Variants in CSMD1 observed in about 807,000 individuals in gnomAD.
CSMD1 encodes the protein CUB and Sushi multiple domains 1.
Under a neutral mutation model 417.5 loss-of-function variants are expected in CSMD1, and 213 were observed. That is an observed-to-expected ratio of 0.51 (90% CI 0.46 to 0.57). The LOEUF is 0.57. Ranked by LOEUF, CSMD1 falls within the 20% of genes least tolerant of loss-of-function variation. CSMD1 has a pLI of 0.00. For synonymous variants in CSMD1, 2,862 were observed against 1,736.8 expected, an observed-to-expected ratio of 1.65 and a Z score of -16.11; for missense variants, 6,923 against 4,529.7, an observed-to-expected ratio of 1.53 and a Z score of -15.17.
At chr8:3,213,895 T>G (rs1400839056) in intron 30 of CSMD1, among the ~76,000 whole-genome samples, 1 of 151,710 alleles carries the variant, frequency 6.6e-6, no homozygotes, top group South Asian at 2.1e-4. Flanking sequence ...TCTTGCTCTG[T>G]CACCCAGGCT....
chr8:4,536,066 A>G (rs901329149), intron 2 of CSMD1, among the ~76,000 whole-genome samples: 1 of 152,214 alleles, frequency 6.6e-6, no homozygotes, highest in Admixed American at 6.5e-5. Context: ...CAGTGTTTTC[A>G]TAGGGCGTGC....
chr8:3,458,221 T>G (rs1418599794), intron 12 of CSMD1, among the ~76,000 whole-genome samples: 1 of 152,180 alleles, frequency 6.6e-6, no homozygotes, highest in Non-Finnish European at 1.5e-5. Context: ...AACGGGCCAC[T>G]AACACTGGAA....
chr8:4,667,697 A>T (rs1421468202), intron 1 of CSMD1, among the ~76,000 whole-genome samples: 6 of 152,238 alleles, frequency 3.9e-5, no homozygotes, highest in African/African-American at 1.4e-4. Context: ...ATGGATTTTT[A>T]AAATATTGAC....
chr8:4,295,548 A>G (rs1170543306), intron 3 of CSMD1, among the ~76,000 whole-genome samples: 2 of 144,882 alleles, frequency 1.4e-5, no homozygotes, highest in East Asian at 4.1e-4. Flanking sequence ...TAAATATATA[A>G]TCTTAAGATT....
intron 3 of CSMD1, among the ~76,000 whole-genome samples, chr8:4,256,737 G>T (rs73660711): frequency 2.0e-5 from 3 of 152,004 alleles, no homozygotes. Flanking sequence ...GCACAGTTAC[G>T]GGCAGTGAGG....
chr8:4,025,478 A>C (rs753990431), intron 4 of CSMD1, among the ~76,000 whole-genome samples: 4 of 152,250 alleles, frequency 2.6e-5, no homozygotes, highest in Non-Finnish European at 5.9e-5. Context: ...CAAATTAAGA[A>C]GGCATTTAAA....
intron 5 of CSMD1, among the ~76,000 whole-genome samples, chr8:3,874,913 A>G (rs781564175): frequency 6.6e-6 from 1 of 152,150 alleles, no homozygotes; most frequent in African/African-American, 2.4e-5. Context: ...GATTTGAATA[A>G]GACTTGGGGA....
At chr8:4,129,244 G>A (rs895433833) in intron 3 of CSMD1, among the ~76,000 whole-genome samples, 4 of 151,970 alleles carry the variant, frequency 2.6e-5, no homozygotes, top group East Asian at 3.9e-4. Context: ...CTCTTCTGAG[G>A]ATGTCTCCTG....
intron 1 of CSMD1, among the ~76,000 whole-genome samples, chr8:4,962,683 T>C (rs1809586374): frequency 6.6e-6 from 1 of 152,130 alleles, no homozygotes; most frequent in South Asian, 2.1e-4. Context: ...TCTTGCTCCA[T>C]GTGGGTGGAA....
intron 6 of CSMD1, among the ~76,000 whole-genome samples, chr8:3,721,783 T>G (rs556468073): frequency 4.6e-5 from 7 of 152,306 alleles, no homozygotes; most frequent in African/African-American, 1.4e-4. Flanking sequence ...AATTTCTCTC[T>G]GAATGGTCAA....
chr8:3,819,330 G>C (rs937188771), intron 5 of CSMD1, among the ~76,000 whole-genome samples: 1 of 152,120 alleles, frequency 6.6e-6, no homozygotes, highest in East Asian at 1.9e-4. Context: ...GAGAGTGACA[G>C]GTAGGAGATT....
At chr8:3,315,678 A>T (rs1410132892) in intron 23 of CSMD1, among the ~76,000 whole-genome samples, 3 of 151,106 alleles carry the variant, frequency 2.0e-5, no homozygotes, top group Non-Finnish European at 4.4e-5. Flanking sequence ...CAGGTTGTTG[A>T]CAATGTTTAA....
At chr8:3,446,117 T>C (rs1248755118) in intron 12 of CSMD1, among the ~76,000 whole-genome samples, 2 of 152,114 alleles carry the variant, frequency 1.3e-5, no homozygotes, top group East Asian at 1.9e-4. Flanking sequence ...TTTGAGAAGT[T>C]TGTTGTAATA....
At chr8:3,065,145 G>C (rs1282429044) in intron 49 of CSMD1, among the ~76,000 whole-genome samples, 1 of 151,778 alleles carries the variant, frequency 6.6e-6, no homozygotes, top group Non-Finnish European at 1.5e-5. Context: ...TCATAAATAA[G>C]CAAATAATGT....
At chr8:4,091,358 G>A (rs537008147) in intron 3 of CSMD1, among the ~76,000 whole-genome samples, 3 of 152,072 alleles carry the variant, frequency 2.0e-5, no homozygotes, top group Admixed American at 6.5e-5. Flanking sequence ...AATTTGAAAT[G>A]TCCATGGAAG....
intron 12 of CSMD1, among the ~76,000 whole-genome samples, chr8:3,456,926 C>A (rs1478690200): frequency 1.3e-5 from 2 of 152,016 alleles, no homozygotes; most frequent in African/African-American, 2.4e-5. Flanking sequence ...CATGCTGGAG[C>A]CCTCCTGCTG....
At position 3,824,601 on chromosome 8, in the gene CSMD1, C is replaced by T. The variant is rs189314861; in HGVS notation, c.819-70559G>A. On this transcript the variant is annotated intron_variant, in intron 5 of 69. Coordinates refer to ENST00000635120, the MANE Select transcript of CSMD1 (RefSeq NM_033225.6). ...TCTGTGACTTCACAGGAAAAACATA[C>T]GGTAAGATATTTTATTAATGTTTTT... Among the ~76,000 whole-genome samples the T allele has an allele frequency of 4.3e-4, 66 of 152,248 alleles. No homozygotes were observed. The East Asian group carries it at 5.2e-3, about 12-fold the overall frequency.
chr8:4,755,104 C>T (rs9644368), intron 1 of CSMD1, among the ~76,000 whole-genome samples: 2 of 152,322 alleles, frequency 1.3e-5, no homozygotes, highest in East Asian at 3.9e-4. Context: ...TGCCACTGCA[C>T]TCCAGCCTGG....
At chr8:4,321,129 C>G (rs1295046463) in intron 3 of CSMD1, among the ~76,000 whole-genome samples, 1 of 152,124 alleles carries the variant, frequency 6.6e-6, no homozygotes, top group Non-Finnish European at 1.5e-5. Context: ...CAATCAAAGG[C>G]AGGAAGAGTG....
Sources: gnomAD v4.1 joint callset for allele counts (sites outside exome capture counted in the v4.1 genomes callset) on GRCh38, gnomAD v4.1.1 for gene constraint, MANE v1.5 for transcripts, NCBI Gene and HGNC (gene_info 2026-07-23, HGNC 2026-07-21) for gene names.